The following NR1H3 variants were observed in gnomAD, a reference collection of about 807,000 sequenced individuals.
NR1H3 encodes oxysterols receptor LXR-alpha.
Under a neutral mutation model 48.1 loss-of-function variants are expected in NR1H3, and 19 were observed. The ratio of observed to expected loss-of-function variants is 0.40; its 90% CI spans 0.28 to 0.58. The LOEUF (loss-of-function observed/expected upper bound fraction) is 0.58, where lower values mean the gene tolerates loss of function less well. Among genes scored for constraint, NR1H3 ranks in the 20% least tolerant of loss-of-function variants. The pLI is 0.50. For missense variants in NR1H3, 486 were observed against 595.9 expected, an observed-to-expected ratio of 0.82 and a Z score of 1.92; for synonymous variants, 232 against 227.3, an observed-to-expected ratio of 1.02 and a Z score of -0.19.
Position 47,261,730 on chromosome 11 carries a change from G to T in NR1H3, c.888+4G>T, listed in dbSNP as rs374483092. 1 of 1,613,986 alleles carries T rather than the reference G, an allele frequency of 6.2e-7. No individual in the cohort carries two copies. The highest frequency in any genetic ancestry group is 8.5e-7 in the Non-Finnish European group (1 of 1,180,046). ...GCTGAAGACCTCTGCGATCGAGGTG[G>T]CTGGAGAAGGGCAAGGGATGAAGGG... On this transcript the variant is annotated splice_donor_region_variant and intron_variant, in intron 6 of 9. Coordinates refer to ENST00000441012, the MANE Select transcript of NR1H3 (RefSeq NM_005693.4).
upstream of NR1H3, chr11:47,257,823 C>T (rs1444236202): frequency 4.8e-5 from 10 of 207,428 alleles, no homozygotes; most frequent in African/African-American, 5.7e-5. Flanking sequence ...GCGGGAGTGG[C>T]GGGAGAGGGG....
At chr11:47,254,849 A>G (rs1954943141), upstream of NR1H3, among the ~76,000 whole-genome samples, 1 of 151,188 alleles carries the variant, frequency 6.6e-6, no homozygotes, top group Non-Finnish European at 1.5e-5. Context: ...CTTCTGTCCC[A>G]TCTACACCCC....
Position 47,268,548 on chromosome 11 carries a change from A to T in NR1H3, c.1198-2A>T. The T allele has an allele frequency of 6.2e-7, 1 of 1,614,166 alleles. No homozygotes were observed. The highest frequency in any genetic ancestry group is 2.2e-5 in the East Asian group (1 of 44,880). On this transcript the variant is annotated splice_acceptor_variant, in intron 9 of 9. Coordinates refer to ENST00000441012, the MANE Select transcript of NR1H3 (RefSeq NM_005693.4). LOFTEE classifies it high-confidence loss of function. ...CTGTGTTTGTCTCTCTCCTTTCCCCAGGACCGACTGATGTTCCCACGGATG... is the reference window on the plus strand; with the variant it reads ...CTGTGTTTGTCTCTCTCCTTTCCCCTGGACCGACTGATGTTCCCACGGATG...
Position 47,259,797 on chromosome 11 carries a change from C to T in NR1H3, c.50C>T (p.Ala17Val), listed in dbSNP as rs771326681. ...APVPDIPPDS[A>V]VELWKPGAQD... is the part of the protein sequence containing the mutation. ...CCTCTCTTTTGGAGCTCAGACTCTG[C>T]GGTGGAGCTGTGGAAGCCAGGCGCA... The change falls in exon 3 of 10, where the codon GCG becomes GTG. Residue 17 changes from alanine (A) to valine (V), a missense_variant. Physicochemically the swap from Ala to Val is moderately conservative, Grantham distance 64. Transcript: ENST00000441012. 6.2e-6 allele frequency: 10 copies of T among 1,612,052 alleles called. No individual in the cohort carries two copies. Among genetic ancestry groups the T allele is most frequent in the South Asian group, 1.1e-5 (1 of 91,002 alleles).
At chr11:47,259,091 T>C in intron 1 of NR1H3, 89 bp from the exon 2 acceptor site, 3 of 1,582,702 alleles carry the variant, frequency 1.9e-6, no homozygotes, top group African/African-American at 1.4e-5. Context: ...ATTGTTGATA[T>C]TGATAAAAGG....
intron 1 of NR1H3, among the ~76,000 whole-genome samples, chr11:47,249,777 C>T (rs1215929606): frequency 6.6e-6 from 1 of 152,104 alleles, no homozygotes. Flanking sequence ...AGCAAATCTC[C>T]TCAGATCTTT....
intron 1 of NR1H3, among the ~76,000 whole-genome samples, chr11:47,249,634 C>G (rs1954450572): frequency 6.6e-6 from 1 of 152,168 alleles, no homozygotes; most frequent in Non-Finnish European, 1.5e-5. Context: ...TCCACAGAAT[C>G]AATGGCCCTC....
intron 7 of NR1H3, among the ~76,000 whole-genome samples, chr11:47,265,287 C>A (rs1346057162): frequency 6.6e-6 from 1 of 151,408 alleles, no homozygotes; most frequent in African/African-American, 2.4e-5. Context: ...AGCAAGACTC[C>A]ATCTCAAAAA....
chr11:47,258,710 C>G (rs1955484087), intron 1 of NR1H3: 1 of 159,854 alleles, frequency 6.3e-6, no homozygotes, highest in South Asian at 1.7e-4. Flanking sequence ...ATCTCAGATA[C>G]TCAGGAAGCT....
At chr11:47,256,646 A>G (rs1955198843), upstream of NR1H3, among the ~76,000 whole-genome samples, 1 of 137,978 alleles carries the variant, frequency 7.2e-6, no homozygotes, top group Non-Finnish European at 1.5e-5. Context: ...ACCCTACCCC[A>G]AAAAAGGTAA....
At chr11:47,265,110 A>G (rs1849013501) in intron 7 of NR1H3, among the ~76,000 whole-genome samples, 2 of 152,126 alleles carry the variant, frequency 1.3e-5, no homozygotes, top group South Asian at 4.1e-4. Context: ...CCTGGCCCAT[A>G]TGGCAAAACC....
Position 47,268,730 on chromosome 11 carries a change from C to G in NR1H3, c.*34C>G. The G allele has an allele frequency of 6.2e-7, 1 of 1,605,386 alleles. No homozygotes were observed. On this transcript the variant is annotated 3_prime_UTR_variant, in exon 10 of 10. Coordinates refer to ENST00000441012, the MANE Select transcript of NR1H3 (RefSeq NM_005693.4). ...TCCCCATATTTTCTGTTTTCTTGGC[C>G]GGATGGCTGAGGCCTGGTGGCTGCC...
Position 47,268,971 on chromosome 11 carries a change from C to T in NR1H3, c.*275C>T. 1 of 427,112 alleles carries T rather than the reference C, an allele frequency of 2.3e-6. No individual in the cohort carries two copies. The highest frequency in any genetic ancestry group is 4.2e-6 in the Non-Finnish European group (1 of 236,198). The allele number at this position is 427,112 out of a possible 1,614,324, so 26.5% of individuals were successfully genotyped here. A position where few individuals can be genotyped will look rare whatever the true frequency, so the allele number is the denominator to read the frequency against. On this transcript the variant is annotated 3_prime_UTR_variant, in exon 10 of 10. Transcript: ENST00000441012. ...TGCACAGGGTTCTCCAGAGCCCTGC[C>T]CATCCTGCCTCCACCACTTCCTGTT...
chr11:47,254,032 C>A (rs1174422615), upstream of NR1H3, among the ~76,000 whole-genome samples: 3 of 152,204 alleles, frequency 2.0e-5, no homozygotes, highest in African/African-American at 7.2e-5. Context: ...ATTTTCCTCT[C>A]CTTTTCCCTC....
At chr11:47,260,703 G>A (rs756770158) in intron 4 of NR1H3, 28 bp downstream of exon 4, 1 of 1,570,084 alleles carries the variant, frequency 6.4e-7, no homozygotes, top group African/African-American at 1.3e-5. Context: ...GAGTGGGGAA[G>A]AGGCTGAGGG....
At chr11:47,263,663 C>T (rs1322314387) in intron 7 of NR1H3, among the ~76,000 whole-genome samples, 2 of 146,632 alleles carry the variant, frequency 1.4e-5, no homozygotes, top group Non-Finnish European at 3.0e-5. Flanking sequence ...AGTGCAGTGA[C>T]GCGATCTTGG....
chr11:47,266,665 G>A (rs1956512850), intron 7 of NR1H3, among the ~76,000 whole-genome samples: 1 of 144,860 alleles, frequency 6.9e-6, no homozygotes, highest in South Asian at 2.2e-4. Context: ...TTTTTGAGAT[G>A]GAGTTTCGCT....
rs1423233552 is a variant in NR1H3, at chr11:47,262,068, T to TTTTTTTA, written c.988+63_988+69dup. ...TTGGGGTTGGGTGGACAGATGCTTC[T>TTTTTTTA]TTTTTTATTTTTTATTTTTAAAAAT... On this transcript the variant is annotated intron_variant, in intron 7 of 9. Transcript: ENST00000441012. 7.4e-6 allele frequency: 10 copies of TTTTTTTA among 1,349,280 alleles called. No individual in the cohort carries two copies. The African/African-American group carries it at 1.3e-4, about 18-fold the overall frequency. The allele number at this position is 1,349,280 out of a possible 1,614,324, so 83.6% of individuals were successfully genotyped here.
upstream of NR1H3, among the ~76,000 whole-genome samples, chr11:47,253,144 T>TGTGTGTGTGTGTGTGTGTGTGTGTG (rs1554980530): frequency 6.6e-6 from 1 of 151,608 alleles, no homozygotes; most frequent in Admixed American, 6.6e-5. Context: ...CGTGTGTGTG[T>TGTGTGTGTGTGTGTGTGTGTGTGTG]TTTCTGTAAA....
Sources: gnomAD v4.1 joint callset for allele counts (sites outside exome capture counted in the v4.1 genomes callset) on GRCh38, gnomAD v4.1.1 for gene constraint, MANE v1.5 for transcripts, NCBI Gene and HGNC (gene_info 2026-07-23, HGNC 2026-07-21) for gene names.